Variants in RALGAPB observed in about 807,000 individuals in gnomAD.
The protein encoded by RALGAPB is ral GTPase-activating protein subunit beta.
A neutral mutation model predicts 161.1 loss-of-function variants in RALGAPB; 25 were observed. The ratio of observed to expected loss-of-function variants is 0.16; its 90% confidence interval spans 0.11 to 0.22. The LOEUF (loss-of-function observed/expected upper bound fraction) is 0.22. Among genes scored for constraint, RALGAPB ranks in the 10% least tolerant of loss-of-function variants. The pLI is 1.00. For synonymous variants in RALGAPB, 629 were observed against 626.1 expected, an observed-to-expected ratio of 1.00 and a Z score of -0.07; for missense variants, 1,391 against 1,815.2, an observed-to-expected ratio of 0.77 and a Z score of 4.25.
chr20:38,529,017 A>G (rs1328975826), intron 13 of RALGAPB, among the ~76,000 whole-genome samples: 1 of 152,158 alleles, frequency 6.6e-6, no homozygotes, highest in African/African-American at 2.4e-5. Flanking sequence ...TCTTCTGACC[A>G]ATCAGTGGAT....
At chr20:38,546,753 CCCCT>C (rs1374935657) in intron 19 of RALGAPB, 1 of 290,234 alleles carries the variant, frequency 3.4e-6, no homozygotes, top group East Asian at 7.7e-5. Flanking sequence ...CCCCTCTGCT[CCCCT>C]CCCTCTCACT....
Position 38,569,868 on chromosome 20 carries a change from T to C in RALGAPB, c.3955-20T>C. 1 of 1,569,210 alleles carries C rather than the reference T, an allele frequency of 6.4e-7. No homozygotes were observed. Among genetic ancestry groups the C allele is most frequent in the Non-Finnish European group, 8.8e-7 (1 of 1,142,292 alleles). ...TTGCTGTTGTTTTTCCCGCTCTCTG[T>C]CTTCTTCTTCTTCATGTAGCTCAGT... On this transcript the variant is annotated intron_variant, in intron 26 of 29. Transcript: ENST00000262879.
intron 29 of RALGAPB, 26 bp downstream of exon 29, chr20:38,574,324 A>G: frequency 6.4e-7 from 1 of 1,559,316 alleles, no homozygotes; most frequent in Non-Finnish European, 8.6e-7. Flanking sequence ...GTGGCCGAAG[A>G]GTTAAATTTT....
intron 10 of RALGAPB, among the ~76,000 whole-genome samples, chr20:38,522,350 A>G (rs1320453856): frequency 2.6e-5 from 4 of 152,228 alleles, no homozygotes; most frequent in African/African-American, 4.8e-5. Flanking sequence ...TGCTCAGGCC[A>G]GAAACGAAGA....
Position 38,517,795 on chromosome 20 carries a change from T to G in RALGAPB, c.1212T>G (p.Ala404=). The change falls in exon 9 of 30, where the codon GCT becomes GCG. Residue 404 remains alanine, a synonymous_variant. Coordinates refer to ENST00000262879, the MANE Select transcript of RALGAPB (RefSeq NM_020336.4). ...ATMKTSTVST[A]HASKVQHQTS... is the part of the protein sequence containing the mutation. Reference sequence around the variant, plus strand: ...TGTTCGTCTAATAGGTTAGTACTGCTCATGCCTCTAAAGTTCAGCACCAGA... The same window carrying G: ...TGTTCGTCTAATAGGTTAGTACTGCGCATGCCTCTAAAGTTCAGCACCAGA... 6.2e-7 allele frequency: 1 copy of G among 1,613,056 alleles called. No individual in the cohort carries two copies. Among genetic ancestry groups the G allele is most frequent in the East Asian group, 2.2e-5 (1 of 44,884 alleles).
chr20:38,505,829 G>T (rs183499724), intron 5 of RALGAPB, among the ~76,000 whole-genome samples: 2 of 152,010 alleles, frequency 1.3e-5, no homozygotes, highest in Non-Finnish European at 2.9e-5. Flanking sequence ...AGTTATACCC[G>T]TATAACTCTA....
At chr20:38,475,670 A>G (rs1358854988) in intron 1 of RALGAPB, among the ~76,000 whole-genome samples, 1 of 140,010 alleles carries the variant, frequency 7.1e-6, no homozygotes, top group African/African-American at 2.7e-5. Flanking sequence ...GCTGGAGTGT[A>G]GTGGCGCAAT....
Position 38,516,266 on chromosome 20 carries a change from G to A in RALGAPB, c.947G>A (p.Ser316Asn). The change falls in exon 7 of 30, where the codon AGC becomes AAC. Residue 316 changes from serine (S) to asparagine (N), a missense_variant. Transcript: ENST00000262879. ...TTTCAGGAACAGTTCTTGAATGTGA[G>A]CGGAATGCCGCAAGAATTGAATCAG... ...PKFQEQFLNV[S>N]GMPQELNQYP... 6.2e-7 allele frequency: 1 copy of A among 1,613,632 alleles called. No individual in the cohort carries two copies. The highest frequency in any genetic ancestry group is 8.5e-7 in the Non-Finnish European group (1 of 1,179,632).
intron 5 of RALGAPB, among the ~76,000 whole-genome samples, chr20:38,506,229 C>T (rs1388400278): frequency 6.6e-6 from 1 of 151,866 alleles, no homozygotes; most frequent in African/African-American, 2.4e-5. Context: ...ATTTTGGCAT[C>T]TGAGGGGTGT....
chr20:38,531,447 G>T (rs1158516519), intron 14 of RALGAPB, among the ~76,000 whole-genome samples: 1 of 152,144 alleles, frequency 6.6e-6, no homozygotes, highest in Non-Finnish European at 1.5e-5. Flanking sequence ...TATTCTGTAT[G>T]AGAGAAACTA....
intron 15 of RALGAPB, among the ~76,000 whole-genome samples, chr20:38,533,075 G>A (rs2086705011): frequency 6.6e-6 from 1 of 152,082 alleles, no homozygotes; most frequent in Non-Finnish European, 1.5e-5. Context: ...TAGTATATTA[G>A]GTTTTATAAT....
intron 5 of RALGAPB, among the ~76,000 whole-genome samples, chr20:38,503,229 G>A (rs1172264808): frequency 1.3e-5 from 2 of 152,204 alleles, no homozygotes; most frequent in Non-Finnish European, 1.5e-5. Context: ...TAAGGCTTCT[G>A]ATTAGAAGTA....
At chr20:38,507,291 GATC>G (rs2085790501) in intron 5 of RALGAPB, among the ~76,000 whole-genome samples, 1 of 152,110 alleles carries the variant, frequency 6.6e-6, no homozygotes, top group Non-Finnish European at 1.5e-5. Context: ...TAGCTGTTGA[GATC>G]ATATTTTTAA....
intron 28 of RALGAPB, among the ~76,000 whole-genome samples, chr20:38,572,260 AAG>A (rs2088268110): frequency 6.6e-6 from 1 of 152,260 alleles, no homozygotes; most frequent in Non-Finnish European, 1.5e-5. Context: ...GAAGGATAAA[AAG>A]AGAATAATCT....
chr20:38,509,831 G>A (rs1439493423), intron 6 of RALGAPB, among the ~76,000 whole-genome samples: 1 of 151,984 alleles, frequency 6.6e-6, no homozygotes, highest in African/African-American at 2.4e-5. Context: ...GGTTTAACTA[G>A]CCTAATTTTT....
chr20:38,557,392 G>T (rs949537302), intron 22 of RALGAPB, among the ~76,000 whole-genome samples: 1 of 152,096 alleles, frequency 6.6e-6, no homozygotes, highest in African/African-American at 2.4e-5. Context: ...TTACAATAGG[G>T]TTCACTCTGT....
chr20:38,546,280 G>T lies in RALGAPB; in HGVS notation c.2752G>T (p.Gly918Cys). 6.2e-7 allele frequency: 1 copy of T among 1,614,046 alleles called. No individual in the cohort carries two copies. Among genetic ancestry groups the T allele is most frequent in the Non-Finnish European group, 8.5e-7 (1 of 1,179,978 alleles). Residue 918 changes from glycine to cysteine, a missense_variant, in exon 19 of 30, where the codon GGT (glycine) becomes TGT (cysteine). Gly to Cys is a radical substitution (Grantham distance 159, BLOSUM62 -3). This residue lies in a region of RALGAPB where 946 missense variants were observed against 1,257.2 expected (regional missense o/e 0.75). Coordinates refer to ENST00000262879, the MANE Select transcript of RALGAPB (RefSeq NM_020336.4). ...QLLGAFPSPSGPASPCSLVNE... is the reference protein window; with the variant it reads ...QLLGAFPSPSCPASPCSLVNE... ...GCTCGGCGCATTTCCTTCACCTAGT[G>T]GTCCTGCCTCTCCTTGTAGTCTTGT...
intron 6 of RALGAPB, among the ~76,000 whole-genome samples, chr20:38,509,737 C>A (rs918275187): frequency 1.3e-5 from 2 of 152,204 alleles, no homozygotes; most frequent in African/African-American, 4.8e-5. Flanking sequence ...TGTCCCTCTT[C>A]CAGCCCCATC....
intron 29 of RALGAPB, 56 bp downstream of exon 29, chr20:38,574,354 A>G (rs1446923929): frequency 4.6e-6 from 7 of 1,514,382 alleles, no homozygotes; most frequent in African/African-American, 2.8e-5. Flanking sequence ...TATCATTTTT[A>G]TAAACCAAAA....
Sources: gnomAD v4.1 joint callset for allele counts (sites outside exome capture counted in the v4.1 genomes callset) on GRCh38, gnomAD v4.1.1 for gene constraint, gnomAD v4.1.1 regional missense constraint, MANE v1.5 for transcripts, NCBI Gene and HGNC (gene_info 2026-07-23, HGNC 2026-07-21) for gene names.